ABCG2: variants seen among roughly 807,000 people sequenced by gnomAD.
ABCG2 encodes the protein ATP binding cassette subfamily G member 2 (JR blood group).
In ABCG2, 80 loss-of-function variants were observed where a neutral mutation model predicts 73.5. The observed-to-expected ratio is 1.09, with a 90% CI of 0.91 to 1.31. The LOEUF is 1.31. ABCG2 is among the 50% of genes most tolerant of loss of function. ABCG2 has a pLI of 0.00. For missense variants in ABCG2, 796 were observed against 786.2 expected, an observed-to-expected ratio of 1.01 and a Z score of -0.15; for synonymous variants, 269 against 282.4, an observed-to-expected ratio of 0.95 and a Z score of 0.48.
intron 9 of ABCG2, among the ~76,000 whole-genome samples, chr4:88,110,653 C>G (rs947618584): frequency 6.6e-6 from 1 of 152,188 alleles, no homozygotes; most frequent in African/African-American, 2.4e-5. Context: ...GCAGGAACCA[C>G]TGCATCTAGC....
Position 88,153,407 on chromosome 4 carries a change from G to A in ABCG2, c.-20+4979C>T, listed in dbSNP as rs559427999. ...AATGGGCTGTATTTTGTCGCATTCC[G>A]AAGACAGGCCCGAATTCTGAGAAGG... On this transcript the variant is annotated intron_variant, in intron 1 of 15. Coordinates refer to ENST00000237612, the MANE Select transcript of ABCG2 (RefSeq NM_004827.3). Among the ~76,000 whole-genome samples the A allele has an allele frequency of 4.6e-5, 7 of 152,062 alleles. No homozygotes were observed. The East Asian group carries it at 5.8e-4, about 13-fold the overall frequency.
chr4:88,209,884 G>T (rs552552368), intron 1 of ABCG2, among the ~76,000 whole-genome samples: 1 of 152,224 alleles, frequency 6.6e-6, no homozygotes, highest in Non-Finnish European at 1.5e-5. Context: ...ATAACCTAAA[G>T]ATAAAACTAA....
At position 88,115,014 on chromosome 4, in the gene ABCG2, C is replaced by G. The variant is rs41282401; in HGVS notation, c.886G>C (p.Asp296His). 3.6e-5 allele frequency: 58 copies of G among 1,612,984 alleles called. No homozygotes were observed. Among genetic ancestry groups the G allele is most frequent in the Non-Finnish European group, 4.7e-5 (56 of 1,179,478 alleles). The change falls in exon 8 of 16, where the codon GAC becomes CAC. Residue 296 changes from aspartate (D) to histidine (H), a missense_variant. Transcript: ENST00000237612. ...GCAGTGGAATCTCCATTAATGATGT[C>G]CAAGAAGAAGTCTGCAGGGTTATTA... is the stretch of plus-strand genomic sequence containing the variant. ...AYNNPADFFL[D>H]IINGDSTAVA...
At chr4:88,098,702 T>C (rs1344616465) in intron 12 of ABCG2, among the ~76,000 whole-genome samples, 1 of 115,290 alleles carries the variant, frequency 8.7e-6, no homozygotes, top group African/African-American at 2.9e-5. Context: ...ATAGAAAACA[T>C]AGATAGGCTA....
chr4:88,110,929 T>G (rs1723093892), intron 9 of ABCG2, among the ~76,000 whole-genome samples: 1 of 152,236 alleles, frequency 6.6e-6, no homozygotes, highest in South Asian at 2.1e-4. Flanking sequence ...AAGGTCCTAT[T>G]CTTAATCTAA....
upstream of ABCG2, among the ~76,000 whole-genome samples, chr4:88,162,594 T>C (rs1727361092): frequency 6.6e-6 from 1 of 152,188 alleles, no homozygotes; most frequent in Admixed American, 6.5e-5. Flanking sequence ...TTTTATCAAA[T>C]TCTATTTGAT....
At chr4:88,182,950 C>T (rs201155332) in intron 1 of ABCG2, among the ~76,000 whole-genome samples, 33 of 151,524 alleles carry the variant, frequency 2.2e-4, no homozygotes, top group African/African-American at 6.5e-4. Flanking sequence ...CTGGGCATGG[C>T]GGCGGGCACC....
chr4:88,194,823 G>A (rs547591337), intron 1 of ABCG2, among the ~76,000 whole-genome samples: 10 of 152,192 alleles, frequency 6.6e-5, no homozygotes, highest in African/African-American at 2.4e-4. Context: ...TAATGGGAGG[G>A]AAAATGGTAG....
At chr4:88,222,445 G>A (rs754286194) in intron 1 of ABCG2, among the ~76,000 whole-genome samples, 4 of 152,130 alleles carry the variant, frequency 2.6e-5, no homozygotes, top group Non-Finnish European at 4.4e-5. Flanking sequence ...GATAGTGAAT[G>A]AGTCTCATGA....
chr4:88,132,690 A>G lies in ABCG2; in HGVS notation c.204-55T>C, dbSNP rs1457449216. The G allele has an allele frequency of 3.8e-6, 6 of 1,586,878 alleles. No individual in the cohort carries two copies. The East Asian group carries it at 1.3e-4, about 35-fold the overall frequency. On this transcript the variant is annotated intron_variant, in intron 2 of 15. Transcript: ENST00000237612. Reference sequence around the variant, plus strand: ...ATTCCATTTTAAGTCAGGTTCTATTAATTTAGGGTAGGCACTGAATATACT... The same window carrying G: ...ATTCCATTTTAAGTCAGGTTCTATTGATTTAGGGTAGGCACTGAATATACT...
chr4:88,196,031 AC>A (rs1459248161), intron 1 of ABCG2, among the ~76,000 whole-genome samples: 1 of 152,104 alleles, frequency 6.6e-6, no homozygotes, highest in Non-Finnish European at 1.5e-5. Flanking sequence ...TTGGGAGACG[AC>A]CTTTCCCTGG....
At chr4:88,214,288 C>A (rs1388861146) in intron 1 of ABCG2, among the ~76,000 whole-genome samples, 1 of 151,924 alleles carries the variant, frequency 6.6e-6, no homozygotes, top group African/African-American at 2.4e-5. Context: ...TTATCTATTT[C>A]CCCCATCCTC....
chr4:88,197,757 T>A (rs1034821662), intron 1 of ABCG2, among the ~76,000 whole-genome samples: 9 of 151,418 alleles, frequency 5.9e-5, no homozygotes, highest in African/African-American at 2.2e-4. Flanking sequence ...GAGCTATAAT[T>A]ACATTACCGC....
At chr4:88,114,558 C>T (rs991023977) in intron 8 of ABCG2, among the ~76,000 whole-genome samples, 2 of 147,744 alleles carry the variant, frequency 1.4e-5, no homozygotes, top group Non-Finnish European at 3.0e-5. Flanking sequence ...ACCTGGGAGG[C>T]GGAGGGGTCA....
chr4:88,181,129 C>T (rs1383558011), intron 1 of ABCG2, among the ~76,000 whole-genome samples: 3 of 151,954 alleles, frequency 2.0e-5, no homozygotes, highest in South Asian at 2.1e-4. Context: ...CTAGCCGGTG[C>T]GGTGGCTCAC....
chr4:88,099,714 T>G (rs937057108), intron 11 of ABCG2, among the ~76,000 whole-genome samples: 1 of 152,212 alleles, frequency 6.6e-6, no homozygotes, highest in Non-Finnish European at 1.5e-5. Flanking sequence ...TCCTGAACAC[T>G]CAGTCCAGGG....
Position 88,122,764 on chromosome 4 carries a change from C to T in ABCG2, c.532-972G>A, listed in dbSNP as rs532634063. Among the ~76,000 whole-genome samples, 330 of 152,342 alleles carry T rather than the reference C, an allele frequency of 2.2e-3. 1 individual carries two copies. Among genetic ancestry groups the T allele is most frequent in the African/African-American group, 6.6e-3 (276 of 41,588 alleles). On this transcript the variant is annotated intron_variant, in intron 5 of 15. Coordinates refer to ENST00000237612, the MANE Select transcript of ABCG2 (RefSeq NM_004827.3). ...CAGCAGACTTAAACGTTCCTGCCTG[C>T]TGGCTTTGAAGACAGCAGTGAATCT... is the stretch of plus-strand genomic sequence containing the variant.
intron 10 of ABCG2, among the ~76,000 whole-genome samples, chr4:88,104,534 G>A (rs557569763): frequency 6.6e-6 from 1 of 152,178 alleles, no homozygotes; most frequent in South Asian, 2.1e-4. Context: ...AGAACATCAG[G>A]AAAAATAGCT....
chr4:88,144,380 GCTGGTCTAC>G (rs550963289), intron 1 of ABCG2, among the ~76,000 whole-genome samples: 13 of 151,346 alleles, frequency 8.6e-5, no homozygotes, highest in Non-Finnish European at 1.6e-4. Context: ...CCTCTTTCGT[GCTGGTCTAC>G]CTATGTCATT....
Sources: gnomAD v4.1 joint callset for allele counts (sites outside exome capture counted in the v4.1 genomes callset) on GRCh38, gnomAD v4.1.1 for gene constraint, MANE v1.5 for transcripts, NCBI Gene and HGNC (gene_info 2026-07-23, HGNC 2026-07-21) for gene names.